Variants in CASQ2 observed in about 807,000 individuals in gnomAD.
The protein encoded by CASQ2 is calsequestrin 2.
In CASQ2, 49 loss-of-function variants were observed where a neutral mutation model predicts 46.5. The observed-to-expected ratio is 1.05, with a 90% confidence interval of 0.84 to 1.34. The LOEUF is 1.34. Ranked by LOEUF, CASQ2 falls within the 40% of genes most tolerant of loss-of-function variation. The probability of loss-of-function intolerance (pLI) is 0.00; values close to 1 mark genes in which losing one functional copy is unlikely to be tolerated. For synonymous variants in CASQ2, 174 were observed against 168.5 expected (o/e 1.03, Z -0.25); for missense variants, 486 against 481.3 (o/e 1.01, Z -0.09).
At chr1:115,733,725 G>T (rs985159733) in intron 4 of CASQ2, among the ~76,000 whole-genome samples, 1 of 152,078 alleles carries the variant, frequency 6.6e-6, no homozygotes, top group Non-Finnish European at 1.5e-5. Context: ...TGGTGGTGGT[G>T]GTGGTGGTTA....
At chr1:115,750,165 G>T (rs1648527999) in intron 1 of CASQ2, among the ~76,000 whole-genome samples, 1 of 152,190 alleles carries the variant, frequency 6.6e-6, no homozygotes, top group Non-Finnish European at 1.5e-5. Flanking sequence ...AGAAGCACTT[G>T]TCATCAAATA....
chr1:115,705,582 G>A (rs1654333970), intron 8 of CASQ2, among the ~76,000 whole-genome samples: 1 of 152,220 alleles, frequency 6.6e-6, no homozygotes, highest in African/African-American at 2.4e-5. Context: ...GGGTCAGAAA[G>A]TCAGTCACGG....
intron 1 of CASQ2, among the ~76,000 whole-genome samples, chr1:115,745,659 C>T (rs1648363288): frequency 6.6e-6 from 1 of 152,120 alleles, no homozygotes; most frequent in East Asian, 1.9e-4. Context: ...AGGACTGAGA[C>T]CTAATTCTTG....
In CASQ2 at chr1:115,768,305, TACCTC is replaced by T. The variant is rs1557809694; in HGVS notation, c.232_234+2del. The T allele has an allele frequency of 6.2e-7, 1 of 1,601,998 alleles. No homozygotes were observed. Among genetic ancestry groups the T allele is most frequent in the East Asian group, 2.2e-5 (1 of 44,810 alleles). Reference sequence around the variant, plus strand: ...GCAGACAGCATGCCCTTTGGTTACTTACCTCAAGCACGATTTCTTTCAGTTGGAAC... The same window carrying T: ...GCAGACAGCATGCCCTTTGGTTACTTAAGCACGATTTCTTTCAGTTGGAAC... On this transcript the variant is annotated splice_donor_variant and coding_sequence_variant, in exon 1 of 11. Coordinates refer to ENST00000261448, the MANE Select transcript of CASQ2 (RefSeq NM_001232.4). LOFTEE classifies it high-confidence loss of function.
chr1:115,732,784 A>G, intron 5 of CASQ2, 117 bp downstream of exon 5: 2 of 767,458 alleles, frequency 2.6e-6, no homozygotes, highest in African/African-American at 3.4e-5. Flanking sequence ...CCTTCTAGAG[A>G]AAGAGGCAAG....
intron 8 of CASQ2, among the ~76,000 whole-genome samples, chr1:115,715,486 A>G (rs1280847153): frequency 1.3e-5 from 2 of 152,248 alleles, no homozygotes; most frequent in Non-Finnish European, 1.5e-5. Flanking sequence ...GATTCCATTT[A>G]TATGAAATGT....
At chr1:115,714,953 T>A (rs1322285556) in intron 8 of CASQ2, among the ~76,000 whole-genome samples, 1 of 152,216 alleles carries the variant, frequency 6.6e-6, no homozygotes, top group African/African-American at 2.4e-5. Flanking sequence ...GCTTGATTCA[T>A]TACAGCAGCA....
chr1:115,730,051 G>A (rs1647733786), intron 5 of CASQ2, among the ~76,000 whole-genome samples: 1 of 152,152 alleles, frequency 6.6e-6, no homozygotes, highest in African/African-American at 2.4e-5. Context: ...CAGAGAGGTT[G>A]GGCCTTCGTG....
At chr1:115,709,306 G>C (rs533060131) in intron 8 of CASQ2, among the ~76,000 whole-genome samples, 1 of 152,292 alleles carries the variant, frequency 6.6e-6, no homozygotes, top group Admixed American at 6.5e-5. Context: ...GTAGGAAGCC[G>C]CATTTCACTT....
intron 8 of CASQ2, among the ~76,000 whole-genome samples, chr1:115,713,543 T>C (rs955980979): frequency 5.9e-5 from 9 of 152,172 alleles, no homozygotes; most frequent in Non-Finnish European, 1.3e-4. Context: ...ATGAGGATCA[T>C]GTCAGAACTG....
At chr1:115,705,998 G>T (rs1300547859) in intron 8 of CASQ2, among the ~76,000 whole-genome samples, 1 of 152,060 alleles carries the variant, frequency 6.6e-6, no homozygotes, top group Admixed American at 6.5e-5. Flanking sequence ...TACAATTTTT[G>T]CCATAAACAA....
At chr1:115,756,489 G>T (rs938437408) in intron 1 of CASQ2, among the ~76,000 whole-genome samples, 7 of 152,178 alleles carry the variant, frequency 4.6e-5, no homozygotes. Flanking sequence ...AACCTGTAAA[G>T]CTCAAACTGC....
chr1:115,725,461 G>T (rs376385940), intron 7 of CASQ2, 47 bp downstream of exon 7: 3 of 1,599,094 alleles, frequency 1.9e-6, no homozygotes, highest in African/African-American at 2.7e-5. Context: ...TCCTCTTTGG[G>T]ACTATACTCA....
intron 2 of CASQ2, among the ~76,000 whole-genome samples, chr1:115,741,764 T>A (rs984957119): frequency 1.3e-5 from 2 of 152,222 alleles, no homozygotes; most frequent in African/African-American, 4.8e-5. Flanking sequence ...CAAATGCTTG[T>A]TGGAAAAATG....
intron 1 of CASQ2, among the ~76,000 whole-genome samples, chr1:115,766,865 TGATAGATAGATAGATAGATAGATA>T (rs58728885): frequency 2.1e-4 from 31 of 144,990 alleles, no homozygotes; most frequent in Non-Finnish European, 3.3e-4. Context: ...GAGCTAGAGA[TGATAGATAGATAGATAGATAGATA>T]GATAGATAGA....
At position 115,717,831 on chromosome 1, in the gene CASQ2, G is replaced by T; in HGVS notation, c.838+9C>A. 1 of 1,596,208 alleles carries T rather than the reference G, an allele frequency of 6.3e-7. No homozygotes were observed. Among genetic ancestry groups the T allele is most frequent in the Non-Finnish European group, 8.6e-7 (1 of 1,163,838 alleles). ...AGAGCTGTAAAAGAGCAGGTTGAAGGTTTCCTACCTGGATCACTCTTCTCT... is the reference window on the plus strand; with the variant it reads ...AGAGCTGTAAAAGAGCAGGTTGAAGTTTTCCTACCTGGATCACTCTTCTCT... On this transcript the variant is annotated intron_variant, in intron 8 of 10. Transcript: ENST00000261448.
At chr1:115,766,956 T>G (rs1265264744) in intron 1 of CASQ2, among the ~76,000 whole-genome samples, 1 of 152,156 alleles carries the variant, frequency 6.6e-6, no homozygotes, top group South Asian at 2.1e-4. Context: ...TAAAAAAAAT[T>G]AGAATCAGAA....
intron 2 of CASQ2, among the ~76,000 whole-genome samples, chr1:115,741,948 C>T (rs1427305516): frequency 5.3e-5 from 8 of 152,174 alleles, no homozygotes; most frequent in Non-Finnish European, 1.2e-4. Flanking sequence ...CCTGCTGTGT[C>T]CCAAGGCATG....
intron 1 of CASQ2, among the ~76,000 whole-genome samples, chr1:115,758,227 C>T (rs777204373): frequency 2.0e-5 from 3 of 152,180 alleles, no homozygotes; most frequent in Non-Finnish European, 4.4e-5. Flanking sequence ...TGAGTTTAGG[C>T]AATTTTTACT....
Sources: gnomAD v4.1 joint callset for allele counts (sites outside exome capture counted in the v4.1 genomes callset) on GRCh38, gnomAD v4.1.1 for gene constraint, MANE v1.5 for transcripts, NCBI Gene and HGNC (gene_info 2026-07-23, HGNC 2026-07-21) for gene names.